Variants in SPON1 observed in about 807,000 individuals in gnomAD.
SPON1 encodes the protein spondin 1.
A neutral mutation model predicts 111.7 loss-of-function variants in SPON1; 52 were observed. The observed-to-expected ratio is 0.47, with a 90% CI of 0.37 to 0.59. The LOEUF is 0.59. SPON1 is among the 20% of genes least tolerant of loss of function. The pLI is 0.00. For missense variants in SPON1, 957 were observed against 1,068.5 expected (o/e 0.90, Z 1.46); for synonymous variants, 410 against 395.8 (o/e 1.04, Z -0.43).
rs1156900565 is a variant in SPON1 at position 14,266,783 on chromosome 11, T to C, written c.*1096T>C. On this transcript the variant is annotated 3_prime_UTR_variant, in exon 16 of 16. Coordinates refer to ENST00000576479, the MANE Select transcript of SPON1 (RefSeq NM_006108.4). Reference sequence around the variant, plus strand: ...ACAAATCTAAGGGAAAGGAATATTATGGGATTAAGCTGAGCAAGCAATTCT... The same window carrying C: ...ACAAATCTAAGGGAAAGGAATATTACGGGATTAAGCTGAGCAAGCAATTCT... 1 of 152,052 alleles carries C rather than the reference T, an allele frequency of 6.6e-6. No homozygotes were observed. Among genetic ancestry groups the C allele is most frequent in the Non-Finnish European group, 1.5e-5 (1 of 67,998 alleles). The allele number at this position is 152,052 out of a possible 1,614,324, so 9.4% of individuals were successfully genotyped here. A position where few individuals can be genotyped will look rare whatever the true frequency, so the allele number is the denominator to read the frequency against.
At chr11:14,253,333 T>A (rs1418906590) in intron 7 of SPON1, among the ~76,000 whole-genome samples, 1 of 152,252 alleles carries the variant, frequency 6.6e-6, no homozygotes, top group Non-Finnish European at 1.5e-5. Flanking sequence ...GGCCAGGCAA[T>A]GGGCTAAGTA....
At chr11:14,161,221 ATATATATTTATATATT>A (rs1461578362) in intron 6 of SPON1, among the ~76,000 whole-genome samples, 1 of 75,714 alleles carries the variant, frequency 1.3e-5, no homozygotes, top group Admixed American at 1.7e-4. Context: ...ATATATATCT[ATATATATTTATATATT>A]TATATATCTA....
rs555687320 is a variant in SPON1 at position 14,214,241 on chromosome 11, G to A, written c.826-29091G>A. On this transcript the variant is annotated intron_variant, in intron 6 of 15. Transcript: ENST00000576479. ...GCGCGTAGGGCCCCCATCCCTAGCC[G>A]GATCAAATCTTGGAATGAGGAAGCG... 7.2e-5 allele frequency among the ~76,000 whole-genome samples: 11 copies of A among 152,248 alleles called. No homozygotes were observed. The South Asian group carries it at 1.7e-3, about 23-fold the overall frequency.
At chr11:14,168,121 G>A (rs1382133187) in intron 6 of SPON1, among the ~76,000 whole-genome samples, 1 of 152,058 alleles carries the variant, frequency 6.6e-6, no homozygotes. Context: ...TTTTAGCATA[G>A]CTAGTAGGCA....
chr11:14,133,286 G>A (rs546119334), intron 5 of SPON1, among the ~76,000 whole-genome samples: 78 of 152,318 alleles, frequency 5.1e-4, no homozygotes, highest in African/African-American at 1.8e-3. Flanking sequence ...CATATACTGA[G>A]CACTAACAAC....
At chr11:14,105,239 G>A (rs1849175838) in intron 5 of SPON1, among the ~76,000 whole-genome samples, 1 of 152,068 alleles carries the variant, frequency 6.6e-6, no homozygotes, top group Admixed American at 6.6e-5. Context: ...TGCAAGCAAT[G>A]TGTTCAGTTC....
intron 2 of SPON1, among the ~76,000 whole-genome samples, chr11:14,006,206 C>T (rs1848359284): frequency 6.6e-6 from 1 of 152,094 alleles, no homozygotes; most frequent in South Asian, 2.1e-4. Flanking sequence ...TGAGATGAAA[C>T]TAATGAATTG....
At chr11:14,052,460 C>G (rs974556821) in intron 3 of SPON1, among the ~76,000 whole-genome samples, 5 of 152,152 alleles carry the variant, frequency 3.3e-5, no homozygotes, top group African/African-American at 9.6e-5. Flanking sequence ...CTACAGGCTC[C>G]TTTGTTGTAA....
chr11:13,985,618 C>T (rs1340591446), intron 2 of SPON1, among the ~76,000 whole-genome samples: 6 of 152,270 alleles, frequency 3.9e-5, no homozygotes, highest in Admixed American at 3.9e-4. Context: ...CCCACTATGA[C>T]TTTTATGACA....
In SPON1 at chr11:14,160,625, A is replaced by C. The variant is rs868966632; in HGVS notation, c.825+25057A>C. ...TATATATTTATATATATTTATATATATATTTATATATATTTACATATATTT... is the reference window on the plus strand; with the variant it reads ...TATATATTTATATATATTTATATATCTATTTATATATATTTACATATATTT... On this transcript the variant is annotated intron_variant, in intron 6 of 15. Coordinates refer to ENST00000576479, the MANE Select transcript of SPON1 (RefSeq NM_006108.4). Among the ~76,000 whole-genome samples the C allele has an allele frequency of 9.9e-5, 3 of 30,328 alleles. 1 individual carries two copies. The highest frequency in any genetic ancestry group is 1.7e-4 in the Non-Finnish European group (3 of 17,784). 19.9% of individuals were successfully genotyped at this position (30,328 alleles called of 152,430 possible). A position where few individuals can be genotyped will look rare whatever the true frequency, so the allele number is the denominator to read the frequency against.
At chr11:14,210,985 A>G (rs1848569444) in intron 6 of SPON1, among the ~76,000 whole-genome samples, 1 of 152,180 alleles carries the variant, frequency 6.6e-6, no homozygotes, top group African/African-American at 2.4e-5. Context: ...TACCAGTACC[A>G]TGCTGTTTTG....
chr11:14,068,969 A>G (rs1848854402), intron 3 of SPON1, among the ~76,000 whole-genome samples: 1 of 152,232 alleles, frequency 6.6e-6, no homozygotes, highest in African/African-American at 2.4e-5. Flanking sequence ...TGGTTGTACA[A>G]TTATACTTAA....
intron 4 of SPON1, among the ~76,000 whole-genome samples, chr11:14,076,156 T>C (rs1178985016): frequency 6.6e-6 from 1 of 152,262 alleles, no homozygotes; most frequent in Non-Finnish European, 1.5e-5. Flanking sequence ...GAAAGCTTAT[T>C]CATTAATCTA....
intron 2 of SPON1, among the ~76,000 whole-genome samples, chr11:13,990,200 A>G (rs1554910930): frequency 2.0e-5 from 3 of 151,966 alleles, no homozygotes; most frequent in Non-Finnish European, 4.4e-5. Flanking sequence ...TGTGGTCTCT[A>G]AGAACTTGCT....
At chr11:14,182,445 TCTA>T (rs1448355753) in intron 6 of SPON1, among the ~76,000 whole-genome samples, 1 of 152,164 alleles carries the variant, frequency 6.6e-6, no homozygotes, top group African/African-American at 2.4e-5. Flanking sequence ...TTATATAAAA[TCTA>T]CAAATACCTG....
chr11:14,041,758 ATC>A (rs1848633269), intron 3 of SPON1, 104 bp downstream of exon 3: 1 of 1,311,226 alleles, frequency 7.6e-7, no homozygotes, highest in African/African-American at 1.5e-5. Context: ...AAGTTGCATC[ATC>A]TCTCTGCCCT....
chr11:14,009,104 CAGGGACTT>C (rs1463648204), intron 2 of SPON1, among the ~76,000 whole-genome samples: 1 of 152,196 alleles, frequency 6.6e-6, no homozygotes, highest in Admixed American at 6.5e-5. Flanking sequence ...TCCATGAGGT[CAGGGACTT>C]AGTTCCATTC....
chr11:14,189,473 C>A (rs1189491114), intron 6 of SPON1, among the ~76,000 whole-genome samples: 1 of 152,156 alleles, frequency 6.6e-6, no homozygotes, highest in Non-Finnish European at 1.5e-5. Context: ...TAAGCCCCCT[C>A]GGAGGCAAAT....
intron 5 of SPON1, among the ~76,000 whole-genome samples, chr11:14,128,924 C>T (rs1480632605): frequency 6.6e-6 from 1 of 152,262 alleles, no homozygotes; most frequent in Non-Finnish European, 1.5e-5. Context: ...TGTACCTTGG[C>T]ACCTTTTAGC....
Sources: gnomAD v4.1 joint callset for allele counts (sites outside exome capture counted in the v4.1 genomes callset) on GRCh38, gnomAD v4.1.1 for gene constraint, MANE v1.5 for transcripts, NCBI Gene and HGNC (gene_info 2026-07-23, HGNC 2026-07-21) for gene names.